Variants in SPATA13 observed in about 807,000 individuals in gnomAD.
SPATA13 encodes spermatogenesis-associated protein 13.
A neutral mutation model predicts 104.0 loss-of-function variants in SPATA13; 50 were observed. That is an observed-to-expected ratio of 0.48 (90% CI 0.38 to 0.61). The LOEUF is 0.61. Ranked by LOEUF, SPATA13 falls within the 20% of genes least tolerant of loss-of-function variation. The probability of loss-of-function intolerance (pLI) is 0.00; values close to 1 mark genes in which losing one functional copy is unlikely to be tolerated. For synonymous variants in SPATA13, 606 were observed against 667.5 expected, an observed-to-expected ratio of 0.91 and a Z score of 1.42; for missense variants, 1,524 against 1,690.6, an observed-to-expected ratio of 0.90 and a Z score of 1.73.
At chr13:24,153,248 C>A (rs1882157735) in intron 3 of SPATA13, among the ~76,000 whole-genome samples, 1 of 152,226 alleles carries the variant, frequency 6.6e-6, no homozygotes, top group South Asian at 2.1e-4. Context: ...CCAATAGGCC[C>A]TGGTGGTCCT....
At chr13:24,102,475 CTTT>C (rs34472292) in intron 3 of SPATA13, among the ~76,000 whole-genome samples, 65 of 120,812 alleles carry the variant, frequency 5.4e-4, no homozygotes, top group Admixed American at 8.6e-4. Flanking sequence ...CACAGAATTT[CTTT>C]TTTTTTTTTT....
intron 11 of SPATA13, among the ~76,000 whole-genome samples, chr13:24,298,523 C>G (rs999992228): frequency 6.6e-6 from 1 of 152,226 alleles, no homozygotes; most frequent in African/African-American, 2.4e-5. Flanking sequence ...CTCTGAGCCT[C>G]TATTTCATTG....
intron 3 of SPATA13, among the ~76,000 whole-genome samples, chr13:24,042,254 C>A (rs952730535): frequency 3.3e-5 from 5 of 152,204 alleles, no homozygotes; most frequent in Admixed American, 2.0e-4. Flanking sequence ...ACTATTTGCC[C>A]TGAGGCTGAT....
intron 1 of SPATA13, among the ~76,000 whole-genome samples, chr13:24,172,651 A>G (rs1420067209): frequency 6.6e-6 from 1 of 152,184 alleles, no homozygotes; most frequent in East Asian, 1.9e-4. Flanking sequence ...CTTTATCAAA[A>G]ATTAGTTGGT....
chr13:24,246,084 G>A (rs1203045086), intron 2 of SPATA13, among the ~76,000 whole-genome samples: 1 of 152,142 alleles, frequency 6.6e-6, no homozygotes, highest in Non-Finnish European at 1.5e-5. Context: ...TCACGTAAGT[G>A]TAAAACCAAA....
At chr13:24,203,783 G>A (rs765157109) in intron 1 of SPATA13, among the ~76,000 whole-genome samples, 10 of 152,102 alleles carry the variant, frequency 6.6e-5, no homozygotes, top group African/African-American at 2.4e-4. Flanking sequence ...AATTTTTGTA[G>A]TCTCTCCCAC....
At chr13:24,036,186 A>G (rs373209733) in intron 3 of SPATA13, among the ~76,000 whole-genome samples, 1 of 152,216 alleles carries the variant, frequency 6.6e-6, no homozygotes, top group Non-Finnish European at 1.5e-5. Context: ...CATAAATTCC[A>G]TATTGTTATG....
At chr13:24,235,277 C>T (rs1307541798) in intron 2 of SPATA13, among the ~76,000 whole-genome samples, 1 of 152,190 alleles carries the variant, frequency 6.6e-6, no homozygotes, top group Non-Finnish European at 1.5e-5. Context: ...GAAATTTGGA[C>T]TATCAGCAAT....
chr13:24,167,681 ACACT>A (rs918812274), intron 1 of SPATA13, among the ~76,000 whole-genome samples: 36 of 152,328 alleles, frequency 2.4e-4, no homozygotes, highest in South Asian at 1.5e-3. Flanking sequence ...ACACACACAC[ACACT>A]CACTCACTCA....
intron 3 of SPATA13, among the ~76,000 whole-genome samples, chr13:24,135,614 C>T (rs537948655): frequency 1.4e-5 from 2 of 145,018 alleles, no homozygotes; most frequent in African/African-American, 5.1e-5. Context: ...AGGAGAATGG[C>T]GTGAACCCGG....
chr13:24,102,443 T>C (rs1401651193), intron 3 of SPATA13, among the ~76,000 whole-genome samples: 8 of 151,678 alleles, frequency 5.3e-5, no homozygotes, highest in African/African-American at 1.9e-4. Context: ...CCTCTTTAGA[T>C]TGTTGGTTTT....
chr13:24,175,987 A>G (rs867938028), intron 1 of SPATA13, among the ~76,000 whole-genome samples: 16 of 152,244 alleles, frequency 1.1e-4, no homozygotes, highest in African/African-American at 3.1e-4. Context: ...ATGACATGCT[A>G]ACAGAGTCAC....
At chr13:24,122,127 A>G (rs576264110) in intron 3 of SPATA13, 1 of 1,612,436 alleles carries the variant, frequency 6.2e-7, no homozygotes, top group Non-Finnish European at 8.5e-7. Context: ...GGAGCACTGA[A>G]TTTGTATCCT....
intron 3 of SPATA13, among the ~76,000 whole-genome samples, chr13:24,064,452 A>T (rs1221979900): frequency 6.6e-6 from 1 of 152,214 alleles, no homozygotes; most frequent in South Asian, 2.1e-4. Context: ...GGCTGTTAGG[A>T]GGTGAGGCGC....
chr13:24,062,807 T>C (rs1416739205), intron 3 of SPATA13, among the ~76,000 whole-genome samples: 2 of 152,138 alleles, frequency 1.3e-5, no homozygotes, highest in Admixed American at 6.5e-5. Flanking sequence ...TTCTTGAAGA[T>C]TGAGAGAAGT....
At chr13:24,060,365 A>T (rs1460335936) in intron 3 of SPATA13, among the ~76,000 whole-genome samples, 1 of 152,246 alleles carries the variant, frequency 6.6e-6, no homozygotes, top group Admixed American at 6.5e-5. Flanking sequence ...TGGTACTGGG[A>T]TAACTAGCTA....
chr13:24,056,235 C>A (rs945468171), intron 3 of SPATA13, among the ~76,000 whole-genome samples: 13 of 152,136 alleles, frequency 8.5e-5, no homozygotes, highest in African/African-American at 3.1e-4. Flanking sequence ...AGGAATAGAA[C>A]AAAGTGTCCA....
intron 1 of SPATA13, among the ~76,000 whole-genome samples, chr13:23,981,251 G>A (rs1195601639): frequency 6.7e-6 from 1 of 150,302 alleles, no homozygotes; most frequent in African/African-American, 2.5e-5. Context: ...AAGATTACTT[G>A]TTTTAGCCAT....
intron 1 of SPATA13, among the ~76,000 whole-genome samples, chr13:24,214,790 T>TTGTCTCATC (rs1344460368): frequency 6.6e-6 from 1 of 152,234 alleles, no homozygotes; most frequent in African/African-American, 2.4e-5. Flanking sequence ...TAACATAACC[T>TTGTCTCATC]TGTCTCATCT....
Sources: allele counts gnomAD v4.1 joint callset (sites outside exome capture counted in the v4.1 genomes callset), GRCh38; gene constraint gnomAD v4.1.1; transcripts MANE v1.5; gene names NCBI Gene and HGNC (gene_info 2026-07-23, HGNC 2026-07-21).